Variants in SDCCAG8 observed in about 807,000 individuals in gnomAD.
The protein encoded by SDCCAG8 is serologically defined colon cancer antigen 8.
In SDCCAG8, 74 loss-of-function variants were observed where a neutral mutation model predicts 101.8. The ratio of observed to expected loss-of-function variants is 0.73; its 90% CI spans 0.60 to 0.88. The LOEUF is 0.88. SDCCAG8 is among the 40% of genes least tolerant of loss of function. The pLI is 0.00. For synonymous variants in SDCCAG8, 281 were observed against 292.9 expected (o/e 0.96, Z 0.41); for missense variants, 787 against 822.6 (o/e 0.96, Z 0.53).
intron 12 of SDCCAG8, among the ~76,000 whole-genome samples, chr1:243,375,140 G>T (rs1318691841): frequency 6.6e-5 from 10 of 152,066 alleles, no homozygotes; most frequent in Non-Finnish European, 1.5e-4. Context: ...GGTATGTAGG[G>T]TGGGTGGTGC....
At chr1:243,322,466 T>C (rs2073834980) in intron 9 of SDCCAG8, among the ~76,000 whole-genome samples, 1 of 152,222 alleles carries the variant, frequency 6.6e-6, no homozygotes, top group Admixed American at 6.5e-5. Context: ...CCATTGCACA[T>C]GCCTGGACTA....
intron 12 of SDCCAG8, among the ~76,000 whole-genome samples, chr1:243,359,114 G>T (rs753616872): frequency 9.2e-5 from 14 of 152,144 alleles, no homozygotes; most frequent in Admixed American, 2.0e-4. Context: ...AACTAAGGAG[G>T]AGGAGTGTTA....
intron 1 of SDCCAG8, chr1:243,267,751 G>T: frequency 1.2e-6 from 1 of 801,894 alleles, no homozygotes. Flanking sequence ...GATCCTTGGC[G>T]ATCCTTAGAG....
intron 6 of SDCCAG8, among the ~76,000 whole-genome samples, chr1:243,299,696 G>A (rs1456181118): frequency 6.6e-6 from 1 of 152,150 alleles, no homozygotes; most frequent in East Asian, 1.9e-4. Flanking sequence ...TTACAGGCAT[G>A]AGCCACCGTG....
rs1185588874 is a variant in SDCCAG8, at chr1:243,262,967, G to A, written c.67+6727G>A. On this transcript the variant is annotated intron_variant, in intron 1 of 17. Coordinates refer to ENST00000366541, the MANE Select transcript of SDCCAG8 (RefSeq NM_006642.5). ...AAGCTAAATATGAATCTGAGCTCTTGCTTCTGATAGATATAACACCTATTC... is the reference window on the plus strand; with the variant it reads ...AAGCTAAATATGAATCTGAGCTCTTACTTCTGATAGATATAACACCTATTC... 2.0e-5 allele frequency among the ~76,000 whole-genome samples: 3 copies of A among 152,236 alleles called. No homozygotes were observed. In the South Asian group the frequency reaches 6.2e-4, roughly 31 times the overall value.
chr1:243,437,828 G>A (rs931199329), intron 16 of SDCCAG8, among the ~76,000 whole-genome samples: 1 of 152,164 alleles, frequency 6.6e-6, no homozygotes, highest in Admixed American at 6.5e-5. Context: ...GTGAGCCACC[G>A]CGTCCGGCCA....
chr1:243,343,035 C>G (rs2075474348), intron 11 of SDCCAG8, among the ~76,000 whole-genome samples: 1 of 152,312 alleles, frequency 6.6e-6, no homozygotes, highest in South Asian at 2.1e-4. Flanking sequence ...TACCACAGTA[C>G]ACTGCAGTCC....
chr1:243,459,446 G>T (rs1242713403), intron 16 of SDCCAG8, among the ~76,000 whole-genome samples: 1 of 151,618 alleles, frequency 6.6e-6, no homozygotes, highest in East Asian at 1.9e-4. Flanking sequence ...GAGGCCAGAG[G>T]TTCAGCACGT....
intron 5 of SDCCAG8, among the ~76,000 whole-genome samples, chr1:243,287,327 A>G (rs1456962584): frequency 6.6e-6 from 1 of 151,706 alleles, no homozygotes; most frequent in African/African-American, 2.4e-5. Flanking sequence ...GGTGGTTTTG[A>G]CTTTGTCGTC....
chr1:243,338,201 C>T (rs1025825110), intron 10 of SDCCAG8, among the ~76,000 whole-genome samples: 4 of 152,138 alleles, frequency 2.6e-5, no homozygotes, highest in Non-Finnish European at 4.4e-5. Context: ...AAGCATGAGC[C>T]ACAGTGCCCG....
chr1:243,258,432 T>C (rs1188913567), intron 1 of SDCCAG8, among the ~76,000 whole-genome samples: 1 of 152,124 alleles, frequency 6.6e-6, no homozygotes, highest in Non-Finnish European at 1.5e-5. Flanking sequence ...AGAGATGGAG[T>C]CTCACTCTGT....
At chr1:243,493,435 C>T (rs1410454809) in intron 17 of SDCCAG8, among the ~76,000 whole-genome samples, 2 of 152,130 alleles carry the variant, frequency 1.3e-5, no homozygotes, top group African/African-American at 4.8e-5. Flanking sequence ...TATCTGTCCA[C>T]TTAGAGGATG....
intron 16 of SDCCAG8, among the ~76,000 whole-genome samples, chr1:243,455,916 A>C (rs987114971): frequency 6.6e-6 from 1 of 152,184 alleles, no homozygotes; most frequent in African/African-American, 2.4e-5. Flanking sequence ...CATTTGTCCA[A>C]ATATTTGGTT....
intron 16 of SDCCAG8, among the ~76,000 whole-genome samples, chr1:243,477,272 A>G (rs1160740305): frequency 6.6e-6 from 1 of 152,234 alleles, no homozygotes; most frequent in Non-Finnish European, 1.5e-5. Flanking sequence ...CACATGCAGC[A>G]TAGATACTAC....
intron 13 of SDCCAG8, among the ~76,000 whole-genome samples, chr1:243,385,735 C>T (rs980829501): frequency 5.3e-5 from 8 of 151,810 alleles, no homozygotes; most frequent in South Asian, 2.1e-4. Context: ...TTTGGGAGGC[C>T]GAGGCGGGCG....
intron 4 of SDCCAG8, among the ~76,000 whole-genome samples, chr1:243,276,889 G>A (rs371060670): frequency 9.2e-5 from 14 of 152,032 alleles, no homozygotes; most frequent in African/African-American, 3.4e-4. Flanking sequence ...CATATACTTG[G>A]AATTATTCTG....
rs765653727 is a variant in SDCCAG8 at position 243,426,460 on chromosome 1, G to A, written c.1887G>A (p.Arg629=). The A allele has an allele frequency of 1.9e-6, 3 of 1,613,574 alleles. No homozygotes were observed. The highest frequency in any genetic ancestry group is 2.5e-6 in the Non-Finnish European group (3 of 1,179,714). ...SEIAQLSQEK[R]YTYDKLGKLQ... ...TAGCTCAACTCAGTCAAGAAAAAAG[G>A]TATACATATGATAAATTGGGAAAGT... The change falls in exon 16 of 18, where the codon AGG becomes AGA. Residue 629 remains arginine, a synonymous_variant. Transcript: ENST00000366541.
intron 13 of SDCCAG8, among the ~76,000 whole-genome samples, chr1:243,402,194 G>C (rs541740808): frequency 2.0e-5 from 3 of 152,094 alleles, no homozygotes; most frequent in Admixed American, 1.3e-4. Context: ...TTAGGAGGCC[G>C]AGGTGGGCAG....
intron 10 of SDCCAG8, among the ~76,000 whole-genome samples, chr1:243,335,972 A>G (rs568160840): frequency 3.9e-5 from 6 of 152,220 alleles, no homozygotes; most frequent in Admixed American, 3.9e-4. Context: ...ACCTGATTCC[A>G]TTCTTTTTTA....
Sources: gnomAD v4.1 joint callset for allele counts (sites outside exome capture counted in the v4.1 genomes callset) on GRCh38, gnomAD v4.1.1 for gene constraint, MANE v1.5 for transcripts, NCBI Gene and HGNC (gene_info 2026-07-23, HGNC 2026-07-21) for gene names.